RAB22A: variants seen among roughly 807,000 people sequenced by gnomAD.
RAB22A encodes ras-related protein Rab-22A.
In RAB22A, 13 loss-of-function variants were observed where a neutral mutation model predicts 30.2. That is an observed-to-expected ratio of 0.43 (90% CI 0.28 to 0.68). RAB22A has a LOEUF of 0.68. Ranked by LOEUF, RAB22A falls within the 30% of genes least tolerant of loss-of-function variation. The pLI is 0.18. For synonymous variants in RAB22A, 89 were observed against 87.2 expected (o/e 1.02, Z -0.11); for missense variants, 177 against 246.8 (o/e 0.72, Z 1.89).
At chr20:58,354,428 C>A (rs1987101751) in intron 6 of RAB22A, among the ~76,000 whole-genome samples, 163 bp downstream of exon 6, 1 of 152,110 alleles carries the variant, frequency 6.6e-6, no homozygotes, top group South Asian at 2.1e-4. Context: ...GTTTTCATAT[C>A]ATGTTATAGT....
At chr20:58,352,389 A>G (rs923663496) in intron 3 of RAB22A, among the ~76,000 whole-genome samples, 23 of 152,314 alleles carry the variant, frequency 1.5e-4, no homozygotes, top group East Asian at 1.9e-4. Flanking sequence ...TCATCAGATC[A>G]TAAGTAGGGG....
In RAB22A at chr20:58,359,789, A is replaced by C; in HGVS notation, c.*86A>C. The C allele has an allele frequency of 1.6e-6, 2 of 1,230,644 alleles. No individual in the cohort carries two copies. 76.2% of individuals were successfully genotyped at this position (1,230,644 alleles called of 1,614,324 possible). On this transcript the variant is annotated 3_prime_UTR_variant, in exon 7 of 7. Coordinates refer to ENST00000244040, the MANE Select transcript of RAB22A (RefSeq NM_020673.3). Reference sequence around the variant, plus strand: ...GCTGGGGTCCCTGCCACCAGTTTTCACCTAGCCAGTCTTGAGTCTTCTCCG... The same window carrying C: ...GCTGGGGTCCCTGCCACCAGTTTTCCCCTAGCCAGTCTTGAGTCTTCTCCG...
At chr20:58,328,342 T>C (rs938771360) in intron 2 of RAB22A, among the ~76,000 whole-genome samples, 5 of 151,866 alleles carry the variant, frequency 3.3e-5, no homozygotes, top group Non-Finnish European at 7.4e-5. Flanking sequence ...CCAACACACA[T>C]GGCTAAATTT....
intron 2 of RAB22A, among the ~76,000 whole-genome samples, chr20:58,340,381 A>G (rs1986835196): frequency 2.0e-5 from 3 of 152,156 alleles, no homozygotes; most frequent in Non-Finnish European, 4.4e-5. Flanking sequence ...GCCACTTCCC[A>G]CATACCCTAA....
chr20:58,357,118 A>G (rs1987143588), intron 6 of RAB22A, among the ~76,000 whole-genome samples: 1 of 152,192 alleles, frequency 6.6e-6, no homozygotes, highest in Non-Finnish European at 1.5e-5. Context: ...TGGTAGTTGT[A>G]CTAGTTGACA....
chr20:58,356,406 C>A (rs539207683), intron 6 of RAB22A, among the ~76,000 whole-genome samples: 2 of 151,056 alleles, frequency 1.3e-5, no homozygotes, highest in Admixed American at 1.3e-4. Flanking sequence ...CTGTGAAAAA[C>A]AAAACCTATA....
intron 2 of RAB22A, among the ~76,000 whole-genome samples, chr20:58,342,748 C>T (rs946256881): frequency 6.6e-5 from 10 of 151,798 alleles, no homozygotes; most frequent in African/African-American, 2.4e-4. Flanking sequence ...ACTGGCCAGA[C>T]TGGGATGCTT....
chr20:58,317,705 C>T (rs1448394213), intron 2 of RAB22A, among the ~76,000 whole-genome samples: 2 of 151,728 alleles, frequency 1.3e-5, no homozygotes, highest in Non-Finnish European at 2.9e-5. Flanking sequence ...ACTACAGGCA[C>T]CCGCCACCAC....
chr20:58,354,009 T>C, intron 5 of RAB22A, 147 bp from the exon 6 acceptor site: 2 of 551,802 alleles, frequency 3.6e-6, no homozygotes, highest in Non-Finnish European at 6.4e-6. Flanking sequence ...GGATGTGGTG[T>C]AATCGAGAAG....
chr20:58,357,411 T>G (rs1197170027), intron 6 of RAB22A, among the ~76,000 whole-genome samples: 2 of 152,214 alleles, frequency 1.3e-5, no homozygotes, highest in East Asian at 3.8e-4. Flanking sequence ...ATGGCTTGCC[T>G]TTGATTTTTT....
At chr20:58,314,082 T>C (rs576845505) in intron 2 of RAB22A, among the ~76,000 whole-genome samples, 206 of 151,190 alleles carry the variant, frequency 1.4e-3, no homozygotes, top group African/African-American at 4.9e-3. Context: ...TGAGTCTCTC[T>C]CTATTACCCA....
At chr20:58,333,413 A>C (rs1406162773) in intron 2 of RAB22A, among the ~76,000 whole-genome samples, 1 of 152,232 alleles carries the variant, frequency 6.6e-6, no homozygotes, top group African/African-American at 2.4e-5. Context: ...GAATGGAGAC[A>C]TTTTCAGACA....
chr20:58,309,901 G>A lies in RAB22A; in HGVS notation c.-76G>A. On this transcript the variant is annotated 5_prime_UTR_variant, in exon 1 of 7. Transcript: ENST00000244040. ...GCCGTGCGGCGGCAGCGGCGCCAGG[G>A]GATGCTCTTGCTGGGCCTGGCCTCT... 2.4e-6 allele frequency: 3 copies of A among 1,227,200 alleles called. No homozygotes were observed. Among genetic ancestry groups the A allele is most frequent in the Middle Eastern group, 2.5e-4 (1 of 3,986 alleles). 76.0% of individuals were successfully genotyped at this position (1,227,200 alleles called of 1,614,324 possible).
chr20:58,336,049 G>C (rs560208910), intron 2 of RAB22A, among the ~76,000 whole-genome samples: 1 of 151,980 alleles, frequency 6.6e-6, no homozygotes, highest in African/African-American at 2.4e-5. Flanking sequence ...TCGCTCTGTC[G>C]CCCAGGGTGG....
intron 2 of RAB22A, among the ~76,000 whole-genome samples, chr20:58,313,326 C>G (rs1410599140): frequency 6.6e-6 from 1 of 152,138 alleles, no homozygotes; most frequent in Non-Finnish European, 1.5e-5. Context: ...TTTCTTCTGC[C>G]TTTTTTTGTT....
At position 58,361,142 on chromosome 20, in the gene RAB22A, T is replaced by G. The variant is rs1175747910; in HGVS notation, c.*1439T>G. 1 of 152,670 alleles carries G rather than the reference T, an allele frequency of 6.6e-6. No homozygotes were observed. The highest frequency in any genetic ancestry group is 1.9e-4 in the East Asian group (1 of 5,202). The allele number at this position is 152,670 out of a possible 1,614,324, so 9.5% of individuals were successfully genotyped here. On this transcript the variant is annotated 3_prime_UTR_variant, in exon 7 of 7. Coordinates refer to ENST00000244040, the MANE Select transcript of RAB22A (RefSeq NM_020673.3). ...CATTGAAGTGAAGTTGGTGAAAATT[T>G]GTTCCTGGTCTAATTTGGCACCCTT...
chr20:58,366,502 G>A lies in RAB22A; in HGVS notation c.*6799G>A, dbSNP rs925568172. 6.6e-6 allele frequency: 1 copy of A among 152,120 alleles called. No individual in the cohort carries two copies. The highest frequency in any genetic ancestry group is 1.5e-5 in the Non-Finnish European group (1 of 68,038). 9.4% of individuals were successfully genotyped at this position (152,120 alleles called of 1,614,324 possible). A position where few individuals can be genotyped will look rare whatever the true frequency, so the allele number is the denominator to read the frequency against. ...TTCCCAACACAAAGAAAAGATAAGC[G>A]AGGTGAAGGAAATCCCAGTTACCCT... is the stretch of plus-strand genomic sequence containing the variant. On this transcript the variant is annotated 3_prime_UTR_variant, in exon 7 of 7. Transcript: ENST00000244040.
Position 58,364,771 on chromosome 20 carries a change from CTG to C in RAB22A, c.*5070_*5071del, listed in dbSNP as rs1218199029. The stretch of plus-strand genomic sequence containing the variant: ...TTCTTTTTTTAGATGGAGTCTCACT[CTG>C]TCGCCCAGGCTGGTATGCAGTGGCG... On this transcript the variant is annotated 3_prime_UTR_variant, in exon 7 of 7. Transcript: ENST00000244040. 2 of 147,160 alleles carry C rather than the reference CTG, an allele frequency of 1.4e-5. No homozygotes were observed. The highest frequency in any genetic ancestry group is 3.0e-5 in the Non-Finnish European group (2 of 67,360). The allele number at this position is 147,160 out of a possible 1,614,324, so 9.1% of individuals were successfully genotyped here.
Position 58,325,391 on chromosome 20 carries a change from C to G in RAB22A, c.116+14269C>G, listed in dbSNP as rs959580995. Among the ~76,000 whole-genome samples the G allele has an allele frequency of 3.3e-5, 5 of 152,178 alleles. No homozygotes were observed. In the East Asian group the frequency reaches 9.7e-4, roughly 29 times the overall value. ...ACTGGGGAGGCTGAGGCAGGAGAAT[C>G]ACTTGAATCTGGGAGGCGGAGGTTG... On this transcript the variant is annotated intron_variant, in intron 2 of 6. Transcript: ENST00000244040.
Sources: gnomAD v4.1 joint callset for allele counts (sites outside exome capture counted in the v4.1 genomes callset) on GRCh38, gnomAD v4.1.1 for gene constraint, MANE v1.5 for transcripts, NCBI Gene and HGNC (gene_info 2026-07-23, HGNC 2026-07-21) for gene names.